The following SCLT1 variants were observed in gnomAD, a reference collection of about 807,000 sequenced individuals.
The protein encoded by SCLT1 is sodium channel-associated protein 1.
Under a neutral mutation model 112.8 loss-of-function variants are expected in SCLT1, and 78 were observed. The ratio of observed to expected loss-of-function variants is 0.69; its 90% CI spans 0.58 to 0.83. The LOEUF (loss-of-function observed/expected upper bound fraction) is 0.83. Ranked by LOEUF, SCLT1 falls within the 40% of genes least tolerant of loss-of-function variation. The probability of loss-of-function intolerance (pLI) is 0.00; values close to 1 mark genes in which losing one functional copy is unlikely to be tolerated. For synonymous variants in SCLT1, 257 were observed against 254.7 expected (o/e 1.01, Z -0.09); for missense variants, 747 against 770.4 (o/e 0.97, Z 0.36).
chr4:128,959,522 T>C (rs970536942), intron 12 of SCLT1, 78 bp downstream of exon 12: 4 of 1,002,336 alleles, frequency 4.0e-6, no homozygotes, highest in Middle Eastern at 5.7e-4. Context: ...CAACAGCTAT[T>C]GAATCCCTTA....
chr4:128,875,072 T>C (rs898578868), intron 4 of SCLT1: 1 of 152,540 alleles, frequency 6.6e-6, no homozygotes, highest in Non-Finnish European at 1.5e-5. Context: ...GACTATTTTA[T>C]ATTACATGAC....
chr4:129,004,891 A>G (rs1429632126), intron 5 of SCLT1, among the ~76,000 whole-genome samples: 1 of 151,640 alleles, frequency 6.6e-6, no homozygotes, highest in Non-Finnish European at 1.5e-5. Context: ...TAAAAAACTT[A>G]CAAGTATTGG....
At chr4:128,945,596 T>C (rs886535363) in intron 16 of SCLT1, among the ~76,000 whole-genome samples, 3 of 152,232 alleles carry the variant, frequency 2.0e-5, no homozygotes. Flanking sequence ...TAAAATGGTA[T>C]GTCAAATTAT....
chr4:128,965,638 A>G (rs1357896002), intron 10 of SCLT1, among the ~76,000 whole-genome samples: 2 of 152,170 alleles, frequency 1.3e-5, no homozygotes, highest in Non-Finnish European at 2.9e-5. Flanking sequence ...ATGTGCCTTT[A>G]GAATATGCTC....
rs1753025768 is a variant in SCLT1, at chr4:129,093,317, G to T, written c.-214C>A. The T allele has an allele frequency of 1.7e-6, 1 of 595,854 alleles. No individual in the cohort carries two copies. The allele number at this position is 595,854 out of a possible 1,614,324, so 36.9% of individuals were successfully genotyped here. A position where few individuals can be genotyped will look rare whatever the true frequency, so the allele number is the denominator to read the frequency against. ...GAGTCCCTGGCCCTGGTGAGAGACT[G>T]AAGATTGCTGGGGACTCCACGTTCA... On this transcript the variant is annotated 5_prime_UTR_variant, in exon 1 of 21. Coordinates refer to ENST00000281142, the MANE Select transcript of SCLT1 (RefSeq NM_144643.4).
intron 18 of SCLT1, among the ~76,000 whole-genome samples, chr4:128,904,162 C>A (rs376518646): frequency 6.6e-6 from 1 of 152,198 alleles, no homozygotes; most frequent in Non-Finnish European, 1.5e-5. Flanking sequence ...TCTATAATTT[C>A]TGGCTTATTA....
intron 1 of SCLT1, 63 bp from the exon 2 acceptor site, chr4:129,082,436 A>T (rs1044585580): frequency 2.0e-6 from 2 of 1,006,556 alleles, no homozygotes; most frequent in Admixed American, 2.0e-5. Context: ...TAAAACTAGA[A>T]ATACAGTAAT....
chr4:128,985,065 C>T lies in SCLT1; in HGVS notation c.686+7102G>A, dbSNP rs73847334. 3.8e-3 allele frequency among the ~76,000 whole-genome samples: 572 copies of T among 152,194 alleles called. 1 individual carries two copies. Among genetic ancestry groups the T allele is most frequent in the African/African-American group, 0.011 (474 of 41,548 alleles). On this transcript the variant is annotated intron_variant, in intron 9 of 20. Coordinates refer to ENST00000281142, the MANE Select transcript of SCLT1 (RefSeq NM_144643.4). Reference sequence around the variant, plus strand: ...TAAATATGTGTTTCTAAATGATGCACAGTATTCCTTCCACAGGATGTAATT... The same window carrying T: ...TAAATATGTGTTTCTAAATGATGCATAGTATTCCTTCCACAGGATGTAATT...
At chr4:128,878,489 A>C (rs1268831247) in intron 3 of SCLT1, among the ~76,000 whole-genome samples, 1 of 152,086 alleles carries the variant, frequency 6.6e-6, no homozygotes, top group African/African-American at 2.4e-5. Context: ...TTTCCCACCA[A>C]CTTTGGCTCT....
At chr4:129,083,450 C>CA (rs10708320) in intron 1 of SCLT1, among the ~76,000 whole-genome samples, 7,864 of 116,292 alleles carry the variant, frequency 0.068, 283 homozygotes, top group South Asian at 0.12. Context: ...TATCAAGAAC[C>CA]AAAAAAAAAA....
intron 18 of SCLT1, among the ~76,000 whole-genome samples, chr4:128,922,097 T>C (rs1380734242): frequency 6.6e-6 from 1 of 152,192 alleles, no homozygotes; most frequent in African/African-American, 2.4e-5. Flanking sequence ...CACAATGAGA[T>C]ACTATCTCAC....
chr4:128,999,831 C>T, intron 6 of SCLT1, 37 bp from the exon 7 acceptor site: 2 of 1,524,080 alleles, frequency 1.3e-6, no homozygotes, highest in South Asian at 1.2e-5. Context: ...AAATTATCAG[C>T]AGGCTATTTA....
chr4:128,959,870 C>T (rs1739532370), intron 11 of SCLT1, 93 bp from the exon 12 acceptor site: 4 of 891,830 alleles, frequency 4.5e-6, no homozygotes, highest in Non-Finnish European at 7.0e-6. Flanking sequence ...GGTATTATGC[C>T]AGTAACTTTC....
intron 5 of SCLT1, 44 bp from the exon 6 acceptor site, chr4:129,003,920 T>C: frequency 6.4e-7 from 1 of 1,571,754 alleles, no homozygotes; most frequent in Non-Finnish European, 8.7e-7. Flanking sequence ...GTCATTTTCG[T>C]AACAGTAATT....
chr4:128,908,393 A>AG (rs1734847849), intron 18 of SCLT1, among the ~76,000 whole-genome samples: 1 of 150,482 alleles, frequency 6.6e-6, no homozygotes, highest in South Asian at 2.1e-4. Flanking sequence ...AAAAAAAAAA[A>AG]AGAAAGAAAA....
In SCLT1 at chr4:128,992,240, G is replaced by T; in HGVS notation, c.616-3C>A. ...GTTTTCAGAAACTGTTGGTTAGTCT[G>T]CCACAAGAAAAAAAAAGAATCAGTA... On this transcript the variant is annotated splice_region_variant and splice_polypyrimidine_tract_variant and intron_variant, in intron 8 of 20. Transcript: ENST00000281142. 1 of 1,574,862 alleles carries T rather than the reference G, an allele frequency of 6.3e-7. No homozygotes were observed. Among genetic ancestry groups the T allele is most frequent in the Non-Finnish European group, 8.7e-7 (1 of 1,154,044 alleles).
intron 2 of SCLT1, among the ~76,000 whole-genome samples, chr4:129,061,129 A>G (rs1283993315): frequency 2.0e-5 from 3 of 152,174 alleles, no homozygotes; most frequent in Non-Finnish European, 1.5e-5. Flanking sequence ...GTTCAGTGGC[A>G]TCTCAGATAC....
intron 18 of SCLT1, among the ~76,000 whole-genome samples, chr4:128,891,612 G>A (rs1463956892): frequency 6.7e-6 from 1 of 148,420 alleles, no homozygotes; most frequent in African/African-American, 2.5e-5. Flanking sequence ...ACAAAATCTT[G>A]TAAGCTACTG....
downstream of SCLT1, among the ~76,000 whole-genome samples, chr4:128,883,157 CA>C (rs34993678): frequency 0.011 from 616 of 57,726 alleles, 12 homozygotes; most frequent in African/African-American, 0.041. Context: ...ACAACAACAA[CA>C]AAAAAAAAAA....
Sources: gnomAD v4.1 joint callset for allele counts (sites outside exome capture counted in the v4.1 genomes callset) on GRCh38, gnomAD v4.1.1 for gene constraint, MANE v1.5 for transcripts, NCBI Gene and HGNC (gene_info 2026-07-23, HGNC 2026-07-21) for gene names.